The following DLGAP2 variants were observed in gnomAD, a reference collection of about 807,000 sequenced individuals.
The protein encoded by DLGAP2 is disks large-associated protein 2.
In DLGAP2, 26 loss-of-function variants were observed where a neutral mutation model predicts 100.3. The observed-to-expected ratio is 0.26, with a 90% CI of 0.19 to 0.36. The LOEUF is 0.36. Among genes scored for constraint, DLGAP2 ranks in the 10% least tolerant of loss-of-function variants. The pLI is 1.00. For missense variants in DLGAP2, 1,858 were observed against 1,453.2 expected (o/e 1.28, Z -4.53); for synonymous variants, 886 against 630.1 (o/e 1.41, Z -6.08).
intron 1 of DLGAP2, among the ~76,000 whole-genome samples, chr8:872,395 G>A (rs1170816998): frequency 2.7e-5 from 4 of 146,838 alleles, no homozygotes; most frequent in South Asian, 4.3e-4. Context: ...GTACAACGGC[G>A]CGATCTCGGC....
chr8:1,230,732 A>T (rs761153837), intron 2 of DLGAP2, among the ~76,000 whole-genome samples: 5 of 152,242 alleles, frequency 3.3e-5, no homozygotes, highest in Non-Finnish European at 7.3e-5. Flanking sequence ...ATCTTTGACA[A>T]AGTTGACAAA....
intron 3 of DLGAP2, among the ~76,000 whole-genome samples, chr8:1,287,899 GTGTGTGGTTTT>G: frequency 6.8e-6 from 1 of 147,668 alleles, no homozygotes; most frequent in Admixed American, 6.8e-5. Context: ...GTGTGTGTGT[GTGTGTGGTTTT>G]GTTAGGAGGG....
chr8:869,621 G>A (rs1039747442), intron 1 of DLGAP2, among the ~76,000 whole-genome samples: 4 of 152,184 alleles, frequency 2.6e-5, no homozygotes, highest in South Asian at 2.1e-4. Context: ...CTGGATAAAG[G>A]TGAATTTAAT....
intron 2 of DLGAP2, among the ~76,000 whole-genome samples, chr8:981,426 A>G (rs1408214847): frequency 6.6e-6 from 1 of 151,916 alleles, no homozygotes; most frequent in East Asian, 1.9e-4. Flanking sequence ...TCTGCTTGTG[A>G]TTCTTTGGCT....
rs139945774 is a variant in DLGAP2, at chr8:875,372, G to A, written c.19-32540G>A. Among the ~76,000 whole-genome samples, 132 of 152,206 alleles carry A rather than the reference G, an allele frequency of 8.7e-4. 1 individual carries two copies. The highest frequency in any genetic ancestry group is 1.4e-3 in the Non-Finnish European group (96 of 68,022). On this transcript the variant is annotated intron_variant, in intron 1 of 14. Coordinates refer to ENST00000637795, the MANE Select transcript of DLGAP2 (RefSeq NM_001346810.2). ...GAATTGTGGTTCCCATAATCCCCAC[G>A]TGTCATGAGAGGGACCCGGTGAGAG...
At chr8:1,505,609 G>A (rs1264791853) in intron 4 of DLGAP2, among the ~76,000 whole-genome samples, 2 of 152,188 alleles carry the variant, frequency 1.3e-5, no homozygotes, top group African/African-American at 2.4e-5. Flanking sequence ...AATATAGGAG[G>A]ATAAGGAAGT....
rs1332519558 is a variant in DLGAP2, at chr8:1,612,521, CAAAGCCA to C, written c.1443-14215_1443-14209del. ...CCAGAACACCAAAAGCAATGGCAAC[CAAAGCCA>C]AAATTGACAAATGGGATCTAATTAA... On this transcript the variant is annotated intron_variant, in intron 6 of 14. Coordinates refer to ENST00000637795, the MANE Select transcript of DLGAP2 (RefSeq NM_001346810.2). Among the ~76,000 whole-genome samples the C allele has an allele frequency of 4.4e-3, 626 of 142,634 alleles. 6 individuals are homozygous for C. Among genetic ancestry groups the C allele is most frequent in the African/African-American group, 0.016 (593 of 37,886 alleles). 93.6% of individuals were successfully genotyped at this position (142,634 alleles called of 152,430 possible). A position where few individuals can be genotyped will look rare whatever the true frequency, so the allele number is the denominator to read the frequency against.
intron 2 of DLGAP2, among the ~76,000 whole-genome samples, chr8:1,134,534 T>TA (rs374960137): frequency 9.6e-5 from 14 of 145,530 alleles, no homozygotes; most frequent in East Asian, 2.0e-4. Flanking sequence ...GAATTTGCAT[T>TA]AATTAATGAT....
At chr8:1,080,408 T>C (rs1011124768) in intron 2 of DLGAP2, among the ~76,000 whole-genome samples, 1 of 152,230 alleles carries the variant, frequency 6.6e-6, no homozygotes, top group Non-Finnish European at 1.5e-5. Context: ...GGGATGCTCC[T>C]CACACTTAGA....
At chr8:1,462,853 T>G (rs1360973768) in intron 3 of DLGAP2, among the ~76,000 whole-genome samples, 1 of 152,262 alleles carries the variant, frequency 6.6e-6, no homozygotes, top group African/African-American at 2.4e-5. Context: ...AGGATCTATT[T>G]TATCTGAAAC....
At chr8:974,355 T>G (rs1800109248) in intron 2 of DLGAP2, among the ~76,000 whole-genome samples, 1 of 152,220 alleles carries the variant, frequency 6.6e-6, no homozygotes, top group African/African-American at 2.4e-5. Context: ...GGAAAAAAGT[T>G]GATTCAAATA....
chr8:1,348,476 G>T (rs1243236388), intron 3 of DLGAP2, among the ~76,000 whole-genome samples: 2 of 150,112 alleles, frequency 1.3e-5, no homozygotes, highest in African/African-American at 4.9e-5. Context: ...ACTGTGTGGA[G>T]GTTGAGTTCC....
chr8:968,397 C>T (rs914658576), intron 2 of DLGAP2, among the ~76,000 whole-genome samples: 1 of 152,226 alleles, frequency 6.6e-6, no homozygotes, highest in East Asian at 1.9e-4. Context: ...TATGGGGGCT[C>T]CATCAGTGTG....
At chr8:1,308,875 C>T (rs1227153672) in intron 3 of DLGAP2, among the ~76,000 whole-genome samples, 1 of 151,990 alleles carries the variant, frequency 6.6e-6, no homozygotes, top group Non-Finnish European at 1.5e-5. Flanking sequence ...AACTAAAGAA[C>T]ACTGGGAAAC....
At chr8:1,250,745 C>G (rs1477879019) in intron 2 of DLGAP2, among the ~76,000 whole-genome samples, 1 of 152,082 alleles carries the variant, frequency 6.6e-6, no homozygotes, top group Non-Finnish European at 1.5e-5. Context: ...TGGAATGAGA[C>G]TTGAGTTTGA....
chr8:995,387 A>G (rs1010594655), intron 2 of DLGAP2, among the ~76,000 whole-genome samples: 1 of 152,234 alleles, frequency 6.6e-6, no homozygotes, highest in Non-Finnish European at 1.5e-5. Flanking sequence ...CTTTGTAATT[A>G]AACATTTTAT....
At chr8:1,315,060 G>A (rs1463070896) in intron 3 of DLGAP2, among the ~76,000 whole-genome samples, 5 of 152,214 alleles carry the variant, frequency 3.3e-5, no homozygotes, top group South Asian at 2.1e-4. Flanking sequence ...TCTAAGTGAC[G>A]CTTTTTTACA....
intron 1 of DLGAP2, among the ~76,000 whole-genome samples, chr8:816,565 C>T (rs1796484822): frequency 6.6e-6 from 1 of 152,118 alleles, no homozygotes; most frequent in South Asian, 2.1e-4. Flanking sequence ...TGCCTTCTAG[C>T]TTTTAGGGTT....
intron 3 of DLGAP2, among the ~76,000 whole-genome samples, chr8:1,389,418 G>C (rs926103474): frequency 8.5e-5 from 13 of 152,116 alleles, no homozygotes; most frequent in Non-Finnish European, 1.3e-4. Context: ...AGCTTGGAAT[G>C]ATAACACGGG....
Sources: gnomAD v4.1 joint callset for allele counts (sites outside exome capture counted in the v4.1 genomes callset) on GRCh38, gnomAD v4.1.1 for gene constraint, MANE v1.5 for transcripts, NCBI Gene and HGNC (gene_info 2026-07-23, HGNC 2026-07-21) for gene names.